Variants in ANXA8 observed in about 807,000 individuals in gnomAD.
The protein encoded by ANXA8 is annexin A8.
Under a neutral mutation model 26.8 loss-of-function variants are expected in ANXA8, and 9 were observed. That is an observed-to-expected ratio of 0.34 (90% confidence interval 0.20 to 0.59). The LOEUF (loss-of-function observed/expected upper bound fraction) is 0.59, where lower values mean the gene tolerates loss of function less well. ANXA8 is among the 20% of genes least tolerant of loss of function. The probability of loss-of-function intolerance (pLI) is 0.84; values close to 1 mark genes in which losing one functional copy is unlikely to be tolerated. For missense variants in ANXA8, 83 were observed against 238.5 expected, an observed-to-expected ratio of 0.35 and a Z score of 4.29; for synonymous variants, 39 against 94.8, an observed-to-expected ratio of 0.41 and a Z score of 3.42.
At chr10:47,583,833 C>T in the ANXA8 span, among the ~76,000 whole-genome samples, 231 of 140,440 alleles carry the variant, frequency 1.6e-3, 3 homozygotes, top group East Asian at 3.7e-3. Context: ...GTGCGGCTGG[C>T]TGGAAGAACG....
chr10:47,776,828 C>T, the ANXA8 span, among the ~76,000 whole-genome samples: 1 of 151,728 alleles, frequency 6.6e-6, no homozygotes, highest in Non-Finnish European at 1.5e-5. Context: ...AAGTTTCTTT[C>T]TCCCTCACCT....
the ANXA8 span, among the ~76,000 whole-genome samples, chr10:47,673,929 T>C: frequency 2.0e-5 from 3 of 149,928 alleles, no homozygotes; most frequent in Admixed American, 6.7e-5. Context: ...CATTTAGCTG[T>C]CACGTCTCCT....
At chr10:47,711,936 G>T in the ANXA8 span, among the ~76,000 whole-genome samples, 1 of 13,982 alleles carries the variant, frequency 7.2e-5, no homozygotes. Context: ...TCATTTTAAA[G>T]TTTTAACATC....
the ANXA8 span, among the ~76,000 whole-genome samples, chr10:47,693,723 C>T: frequency 3.3e-5 from 5 of 151,746 alleles, no homozygotes; most frequent in East Asian, 5.8e-4. Flanking sequence ...CACCTAACTC[C>T]CTCTGTTCTG....
At chr10:47,669,958 C>T in the ANXA8 span, among the ~76,000 whole-genome samples, 2 of 151,764 alleles carry the variant, frequency 1.3e-5, no homozygotes, top group African/African-American at 4.9e-5. Flanking sequence ...CTTTCTAGTT[C>T]TAGAACTTTT....
At chr10:47,637,120 T>C in the ANXA8 span, among the ~76,000 whole-genome samples, 11 of 147,184 alleles carry the variant, frequency 7.5e-5, no homozygotes, top group African/African-American at 2.6e-4. Flanking sequence ...CATGCCGATA[T>C]ATACCACTCA....
At chr10:47,671,383 C>A in the ANXA8 span, among the ~76,000 whole-genome samples, 1 of 151,912 alleles carries the variant, frequency 6.6e-6, no homozygotes, top group Admixed American at 6.6e-5. Context: ...GATCGTAGCA[C>A]TGCACTCCAG....
At chr10:47,709,602 T>C in the ANXA8 span, among the ~76,000 whole-genome samples, 2 of 109,022 alleles carry the variant, frequency 1.8e-5, no homozygotes, top group Non-Finnish European at 3.8e-5. Context: ...TATTACAATG[T>C]AGCACATGCT....
At chr10:47,941,956 C>T in the ANXA8 span, among the ~76,000 whole-genome samples, 21 of 147,710 alleles carry the variant, frequency 1.4e-4, 2 homozygotes, top group Admixed American at 1.4e-3. Context: ...AATAGAATGT[C>T]CAGCAATCAG....
At chr10:47,626,724 T>G in the ANXA8 span, among the ~76,000 whole-genome samples, 47 of 150,258 alleles carry the variant, frequency 3.1e-4, no homozygotes, top group Non-Finnish European at 6.2e-4. Flanking sequence ...TAATAAAGTG[T>G]TTTGAAACAT....
the ANXA8 span, among the ~76,000 whole-genome samples, chr10:47,712,957 CTTATTTTTGTA>C: frequency 5.3e-5 from 8 of 152,288 alleles, no homozygotes; most frequent in Admixed American, 5.2e-4. Context: ...TCATGCCCAG[CTTATTTTTGTA>C]TTTTTAGTAG....
chr10:47,522,067 G>A, the ANXA8 span, among the ~76,000 whole-genome samples: 2,985 of 150,434 alleles, frequency 0.02, 39 homozygotes, highest in African/African-American at 0.069. Flanking sequence ...GATTACAGGC[G>A]TGAGCCACCA....
At chr10:47,907,232 T>C in the ANXA8 span, among the ~76,000 whole-genome samples, 3 of 151,924 alleles carry the variant, frequency 2.0e-5, no homozygotes, top group Non-Finnish European at 2.9e-5. Flanking sequence ...TGGCGGGTGC[T>C]TGTAGTCCCA....
the ANXA8 span, among the ~76,000 whole-genome samples, chr10:47,500,142 G>C: frequency 7.2e-6 from 1 of 139,564 alleles, no homozygotes; most frequent in Admixed American, 7.5e-5. Context: ...CTGAGCTCAA[G>C]TAATTCCCCC....
chr10:47,766,330 C>T, the ANXA8 span, among the ~76,000 whole-genome samples: 1 of 47,610 alleles, frequency 2.1e-5, no homozygotes, highest in Non-Finnish European at 4.2e-5. Context: ...TGCAAAATCA[C>T]GTTGTCAGCT....
the ANXA8 span, among the ~76,000 whole-genome samples, chr10:47,683,099 G>T: frequency 6.6e-6 from 1 of 151,984 alleles, no homozygotes; most frequent in South Asian, 2.1e-4. Context: ...ATGAGCGATA[G>T]CTTTAAACTT....
chr10:47,580,794 G>A, the ANXA8 span, among the ~76,000 whole-genome samples: 1 of 149,820 alleles, frequency 6.7e-6, no homozygotes, highest in Non-Finnish European at 1.5e-5. Flanking sequence ...AAAAAAACAG[G>A]CCAGGCTTGG....
At chr10:47,646,054 C>G in the ANXA8 span, among the ~76,000 whole-genome samples, 3 of 149,212 alleles carry the variant, frequency 2.0e-5, no homozygotes, top group Admixed American at 2.0e-4. Context: ...GTCTCTTTCT[C>G]TATCTATTTC....
chr10:47,652,951 G>T, the ANXA8 span, among the ~76,000 whole-genome samples: 1 of 151,348 alleles, frequency 6.6e-6, no homozygotes, highest in East Asian at 1.9e-4. Flanking sequence ...TATTTATAAA[G>T]ATCACTTTAG....
Sources: gnomAD v4.1 joint callset for allele counts (sites outside exome capture counted in the v4.1 genomes callset) on GRCh38, gnomAD v4.1.1 for gene constraint, MANE v1.5 for transcripts, NCBI Gene and HGNC (gene_info 2026-07-23, HGNC 2026-07-21) for gene names.